ALK: variants seen among roughly 807,000 people sequenced by gnomAD.
ALK encodes the protein ALK tyrosine kinase receptor.
Under a neutral mutation model 163.1 loss-of-function variants are expected in ALK, and 74 were observed. The observed-to-expected ratio is 0.45, with a 90% CI of 0.38 to 0.55. The LOEUF is 0.55. Among genes scored for constraint, ALK ranks in the 20% least tolerant of loss-of-function variants. The probability of loss-of-function intolerance (pLI) is 0.00; values close to 1 mark genes in which losing one functional copy is unlikely to be tolerated. For missense variants in ALK, 2,063 were observed against 2,105.3 expected, an observed-to-expected ratio of 0.98 and a Z score of 0.39; for synonymous variants, 960 against 843.2, an observed-to-expected ratio of 1.14 and a Z score of -2.40.
chr2:29,789,127 G>A (rs151153029), intron 1 of ALK, among the ~76,000 whole-genome samples: 94 of 150,974 alleles, frequency 6.2e-4, no homozygotes, highest in African/African-American at 2.0e-3. Flanking sequence ...AAGGCAATAT[G>A]AACACCATAA....
chr2:29,829,004 T>C (rs75008803), intron 1 of ALK, among the ~76,000 whole-genome samples: 3 of 151,970 alleles, frequency 2.0e-5, no homozygotes, highest in Non-Finnish European at 4.4e-5. Context: ...GATGAGTTCA[T>C]GTCCTTTGTA....
chr2:29,773,761 T>C (rs1040542039), intron 1 of ALK, among the ~76,000 whole-genome samples: 10 of 152,190 alleles, frequency 6.6e-5, no homozygotes, highest in African/African-American at 1.7e-4. Context: ...AATTCTATTC[T>C]TTTTAAAACG....
chr2:29,804,936 T>C (rs1664569933), intron 1 of ALK, among the ~76,000 whole-genome samples: 1 of 152,236 alleles, frequency 6.6e-6, no homozygotes, highest in Non-Finnish European at 1.5e-5. Flanking sequence ...ACATCACTTC[T>C]GAATCACATA....
chr2:29,222,322 G>C, intron 22 of ALK, 22 bp downstream of exon 22: 1 of 1,612,394 alleles, frequency 6.2e-7, no homozygotes, highest in Non-Finnish European at 8.5e-7. Context: ...GTTGGGGTGA[G>C]GGTGTCTCTC....
intron 4 of ALK, among the ~76,000 whole-genome samples, chr2:29,458,258 A>G (rs1671007389): frequency 6.6e-6 from 1 of 152,124 alleles, no homozygotes; most frequent in Admixed American, 6.6e-5. Flanking sequence ...GTAACTTGGG[A>G]CACACAGCCT....
chr2:29,384,960 A>T (rs1333385984), intron 4 of ALK, among the ~76,000 whole-genome samples: 1 of 152,070 alleles, frequency 6.6e-6, no homozygotes, highest in African/African-American at 2.4e-5. Context: ...CTGAGGCAGG[A>T]GAATCACTTG....
intron 3 of ALK, among the ~76,000 whole-genome samples, chr2:29,664,826 T>G (rs551953739): frequency 1.3e-5 from 2 of 152,124 alleles, no homozygotes; most frequent in Admixed American, 6.6e-5. Flanking sequence ...CCTCACAACT[T>G]AGGGCTGACA....
chr2:29,787,033 G>C (rs1664049987), intron 1 of ALK, among the ~76,000 whole-genome samples: 1 of 152,098 alleles, frequency 6.6e-6, no homozygotes, highest in Admixed American at 6.5e-5. Context: ...CTGACCTCGT[G>C]ATCTGCCCGC....
At chr2:29,737,936 G>A (rs901765633) in intron 1 of ALK, among the ~76,000 whole-genome samples, 2 of 151,996 alleles carry the variant, frequency 1.3e-5, no homozygotes. Context: ...GAGCCAAGGT[G>A]AGCGGGAGAA....
chr2:29,464,160 C>A (rs1671151235), intron 4 of ALK, among the ~76,000 whole-genome samples: 1 of 151,954 alleles, frequency 6.6e-6, no homozygotes, highest in Admixed American at 6.6e-5. Context: ...TAGTATCTAA[C>A]CAAAAGTTAC....
At chr2:29,744,249 A>G (rs1457564222) in intron 1 of ALK, among the ~76,000 whole-genome samples, 4 of 152,132 alleles carry the variant, frequency 2.6e-5, no homozygotes, top group African/African-American at 9.7e-5. Context: ...AGATCCCACT[A>G]TGGTACAGTG....
intron 4 of ALK, among the ~76,000 whole-genome samples, chr2:29,460,425 A>G (rs1252882478): frequency 6.6e-6 from 1 of 152,100 alleles, no homozygotes; most frequent in African/African-American, 2.4e-5. Context: ...CAGACATTAC[A>G]TTTTTTACAA....
At chr2:29,588,871 T>A (rs1164647236) in intron 3 of ALK, among the ~76,000 whole-genome samples, 1 of 152,244 alleles carries the variant, frequency 6.6e-6, no homozygotes, top group Non-Finnish European at 1.5e-5. Context: ...CATTCTTAAC[T>A]TGCGGGCCAG....
intron 1 of ALK, among the ~76,000 whole-genome samples, chr2:29,829,762 G>C (rs1214057058): frequency 6.6e-6 from 1 of 152,174 alleles, no homozygotes; most frequent in Non-Finnish European, 1.5e-5. Flanking sequence ...GACTGTCTCT[G>C]ATTCTCTGAA....
intron 5 of ALK, among the ~76,000 whole-genome samples, chr2:29,329,552 C>T (rs905321575): frequency 6.6e-6 from 1 of 152,234 alleles, no homozygotes; most frequent in East Asian, 1.9e-4. Context: ...GTGCTAAACC[C>T]ATCTCAGTGC....
At chr2:29,232,553 G>A (rs1432102632) in intron 14 of ALK, 105 bp from the exon 15 acceptor site, 6 of 1,453,470 alleles carry the variant, frequency 4.1e-6, no homozygotes, top group South Asian at 1.2e-5. Context: ...CTGTTTTGGG[G>A]TGACCTGGTG....
chr2:29,499,811 T>C (rs1410999966), intron 4 of ALK, among the ~76,000 whole-genome samples: 1 of 152,068 alleles, frequency 6.6e-6, no homozygotes, highest in Non-Finnish European at 1.5e-5. Flanking sequence ...GGTGTCTTCC[T>C]AGCCATAGAT....
intron 1 of ALK, among the ~76,000 whole-genome samples, chr2:29,897,122 C>A (rs1667291256): frequency 6.6e-6 from 1 of 152,130 alleles, no homozygotes; most frequent in Non-Finnish European, 1.5e-5. Flanking sequence ...GAGTTCAAGA[C>A]CAGCCTGGCC....
intron 3 of ALK, among the ~76,000 whole-genome samples, chr2:29,647,337 A>G (rs1676906851): frequency 6.6e-6 from 1 of 152,092 alleles, no homozygotes; most frequent in African/African-American, 2.4e-5. Context: ...TGCATCTCTA[A>G]TATGTCTCTT....
Sources: allele counts gnomAD v4.1 joint callset (sites outside exome capture counted in the v4.1 genomes callset), GRCh38; gene constraint gnomAD v4.1.1; transcripts MANE v1.5; gene names NCBI Gene and HGNC (gene_info 2026-07-23, HGNC 2026-07-21).